Variants in GTPBP1 observed in about 807,000 individuals in gnomAD.
GTPBP1 encodes the protein GTP-binding protein 1.
In GTPBP1, 23 loss-of-function variants were observed where a neutral mutation model predicts 62.0. The observed-to-expected ratio is 0.37, with a 90% confidence interval of 0.27 to 0.53. The LOEUF is 0.53. Among genes scored for constraint, GTPBP1 ranks in the 20% least tolerant of loss-of-function variants. GTPBP1 has a pLI of 0.89. For synonymous variants in GTPBP1, 344 were observed against 364.4 expected, an observed-to-expected ratio of 0.94 and a Z score of 0.64; for missense variants, 640 against 917.3, an observed-to-expected ratio of 0.70 and a Z score of 3.90.
chr22:38,714,866 G>C (rs2092660922), intron 2 of GTPBP1, among the ~76,000 whole-genome samples: 1 of 152,130 alleles, frequency 6.6e-6, no homozygotes, highest in African/African-American at 2.4e-5. Context: ...ATTAAATCCA[G>C]CACCTCATGG....
chr22:38,736,383 G>T, downstream of GTPBP1: 1 of 1,609,858 alleles, frequency 6.2e-7, no homozygotes. Context: ...GTAGGGGCCT[G>T]GGTAGAGAAG....
At chr22:38,739,774 GC>G, downstream of GTPBP1, 1 of 1,613,668 alleles carries the variant, frequency 6.2e-7, no homozygotes, top group East Asian at 2.2e-5. The surrounding 1 kb of genome is among the most constrained non-coding windows in gnomAD (Gnocchi z 6.7). Context: ...GCTCAGGGAG[GC>G]CGCGGCTTCC....
At position 38,729,518 on chromosome 22, in the gene GTPBP1, G is replaced by T. The variant is rs1176454387; in HGVS notation, c.1773G>T (p.Met591Ile). The T allele has an allele frequency of 6.2e-7, 1 of 1,609,886 alleles. No homozygotes were observed. The highest frequency in any genetic ancestry group is 8.5e-7 in the Non-Finnish European group (1 of 1,178,328). ...ACTCCAAGCCGCAGCAGATTAAAAT[G>T]CAGTCGACGAAAAAGGGCCCCCTGA... is the stretch of plus-strand genomic sequence containing the variant. The part of the protein sequence containing the change: ...PMNSKPQQIK[M>I]QSTKKGPLTK... Residue 591 changes from methionine (M) to isoleucine (I), a missense_variant, in exon 11 of 12, where the codon ATG becomes ATT. This residue lies in a region of GTPBP1 where 117 missense variants were observed against 107.1 expected (regional missense o/e 1.09). Coordinates refer to ENST00000216044, the MANE Select transcript of GTPBP1 (RefSeq NM_004286.5).
chr22:38,720,283 A>C (rs2092692964), intron 4 of GTPBP1, among the ~76,000 whole-genome samples: 1 of 149,164 alleles, frequency 6.7e-6, no homozygotes, highest in Admixed American at 6.6e-5. Context: ...GCAATGGCGC[A>C]ATCTTGGCTC....
At position 38,728,111 on chromosome 22, in the gene GTPBP1, C is replaced by T. The variant is rs2092736466; in HGVS notation, c.1666C>T (p.Arg556Trp). 9 of 1,613,628 alleles carry T rather than the reference C, an allele frequency of 5.6e-6. No individual in the cohort carries two copies. Among genetic ancestry groups the T allele is most frequent in the Non-Finnish European group, 7.6e-6 (9 of 1,179,526 alleles). Residue 556 changes from arginine (R) to tryptophan (W), a missense_variant, in exon 10 of 12, where the codon CGG becomes TGG. Physicochemically the swap from Arg to Trp is moderately radical, Grantham distance 101. Transcript: ENST00000216044. ...CCCTGAGTACCTGCACATAGACCAG[C>T]GGCTGGTGTTCCGGGAAGGCCGCAC... ...KTPEYLHIDQ[R>W]LVFREGRTKA...
At position 38,727,200 on chromosome 22, in the gene GTPBP1, C is replaced by G; in HGVS notation, c.1402-13C>G. On this transcript the variant is annotated splice_polypyrimidine_tract_variant and intron_variant, in intron 8 of 11. Transcript: ENST00000216044. The surrounding 1 kb of genome is among the most constrained non-coding windows in gnomAD (Gnocchi z 6.5). Reference sequence around the variant, plus strand: ...AATTGTCCCTGAGGGCTGGGGCTCCCTCTTTCTTTCAGATCAAGCGCTCGT... The same window carrying G: ...AATTGTCCCTGAGGGCTGGGGCTCCGTCTTTCTTTCAGATCAAGCGCTCGT... 6.4e-7 allele frequency: 1 copy of G among 1,552,264 alleles called. No individual in the cohort carries two copies. The highest frequency in any genetic ancestry group is 1.2e-5 in the South Asian group (1 of 83,992).
downstream of GTPBP1, chr22:38,736,380 C>T (rs559096453): frequency 2.5e-6 from 4 of 1,611,438 alleles, no homozygotes; most frequent in Admixed American, 5.0e-5. Flanking sequence ...ATCGTAGGGG[C>T]CTGGGTAGAG....
chr22:38,721,143 G>A (rs1311996134), intron 4 of GTPBP1, among the ~76,000 whole-genome samples: 2 of 152,144 alleles, frequency 1.3e-5, no homozygotes, highest in Non-Finnish European at 2.9e-5. Flanking sequence ...GCAATGGCAC[G>A]ATCTCGGCTC....
Position 38,724,282 on chromosome 22 carries a change from A to G in GTPBP1, c.959-15A>G. The G allele has an allele frequency of 6.6e-7, 1 of 1,526,422 alleles. No individual in the cohort carries two copies. The highest frequency in any genetic ancestry group is 9.1e-7 in the Non-Finnish European group (1 of 1,100,044). The allele number at this position is 1,526,422 out of a possible 1,614,324, so 94.6% of individuals were successfully genotyped here. A position where few individuals can be genotyped will look rare whatever the true frequency, so the allele number is the denominator to read the frequency against. On this transcript the variant is annotated splice_polypyrimidine_tract_variant and intron_variant, in intron 5 of 11. Transcript: ENST00000216044. ...GGCTGTGTCCCCCTAATTCTGTTCC[A>G]TTGCACCCTTTAAGAAACCCTGAAG...
chr22:38,730,731 C>G lies in GTPBP1; in HGVS notation c.*27C>G. The G allele has an allele frequency of 7.7e-6, 10 of 1,299,996 alleles. No individual in the cohort carries two copies. Among genetic ancestry groups the G allele is most frequent in the Non-Finnish European group, 1.1e-5 (10 of 929,660 alleles). 80.5% of individuals were successfully genotyped at this position (1,299,996 alleles called of 1,614,324 possible). The stretch of plus-strand genomic sequence containing the variant: ...CCTTCCCCTGGCCCACCCTCACCAC[C>G]CAAGGGGTCATCATCTCTGGCCACC... On this transcript the variant is annotated 3_prime_UTR_variant, in exon 12 of 12. Transcript: ENST00000216044. This position sits in a 1 kb window ranked among gnomAD's most constrained non-coding sequence, Gnocchi z 5.6.
intron 5 of GTPBP1, 39 bp from the exon 6 acceptor site, chr22:38,724,258 G>A (rs777559034): frequency 8.3e-7 from 1 of 1,203,150 alleles, no homozygotes; most frequent in South Asian, 1.2e-5. Flanking sequence ...CAAAGAGAAG[G>A]CTGTGTCCCC....
intron 4 of GTPBP1, among the ~76,000 whole-genome samples, chr22:38,720,419 G>C (rs2145864492): frequency 6.6e-6 from 1 of 151,356 alleles, no homozygotes; most frequent in Non-Finnish European, 1.5e-5. Context: ...AGTAGAGAAG[G>C]GGTTTTCACC....
downstream of GTPBP1, chr22:38,741,571 C>T (rs1488333628): frequency 8.7e-6 from 14 of 1,614,002 alleles, no homozygotes; most frequent in Non-Finnish European, 1.0e-5. Context: ...GACAGTTCTT[C>T]CTGTGAGACG....
chr22:38,709,534 G>A (rs188745115), intron 2 of GTPBP1, among the ~76,000 whole-genome samples: 44 of 152,300 alleles, frequency 2.9e-4, no homozygotes, highest in Admixed American at 2.5e-3. Context: ...GAAGCACAAA[G>A]CAAAGGAACT....
rs1436103321 is a variant in GTPBP1 at position 38,715,902 on chromosome 22, A to G, written c.305-5A>G. Reference sequence around the variant, plus strand: ...TCCTGCTGATGTCTGGGCTCTTGTCACCAGATGGGACTGAGTATGGGCTGA... The same window carrying G: ...TCCTGCTGATGTCTGGGCTCTTGTCGCCAGATGGGACTGAGTATGGGCTGA... On this transcript the variant is annotated splice_region_variant and splice_polypyrimidine_tract_variant and intron_variant, in intron 2 of 11. Coordinates refer to ENST00000216044, the MANE Select transcript of GTPBP1 (RefSeq NM_004286.5). The G allele has an allele frequency of 1.0e-5, 16 of 1,599,328 alleles. No individual in the cohort carries two copies. Among genetic ancestry groups the G allele is most frequent in the Admixed American group, 1.8e-5 (1 of 56,938 alleles).
chr22:38,739,819 G>T, downstream of GTPBP1: 1 of 1,613,624 alleles, frequency 6.2e-7, no homozygotes, highest in African/African-American at 1.3e-5. This position sits in a 1 kb window ranked among gnomAD's most constrained non-coding sequence, Gnocchi z 6.7. Flanking sequence ...TGCCACATGG[G>T]TGAGGATCTT....
At chr22:38,739,566 C>G, downstream of GTPBP1, 1 of 1,291,994 alleles carries the variant, frequency 7.7e-7, no homozygotes, top group Non-Finnish European at 1.1e-6. The surrounding 1 kb of genome is among the most constrained non-coding windows in gnomAD (Gnocchi z 6.7). Flanking sequence ...TGTGGGCACA[C>G]TGCCACCCAC....
downstream of GTPBP1, chr22:38,736,275 C>A: frequency 6.2e-7 from 1 of 1,612,168 alleles, no homozygotes. Flanking sequence ...GGCTAGTGGG[C>A]GGGCTCCCCA....
At chr22:38,739,824 G>T, downstream of GTPBP1, 2 of 1,613,628 alleles carry the variant, frequency 1.2e-6, no homozygotes, top group Non-Finnish European at 8.5e-7. This position sits in a 1 kb window ranked among gnomAD's most constrained non-coding sequence, Gnocchi z 6.7. Flanking sequence ...CATGGGTGAG[G>T]ATCTTGCTCT....
Sources: allele counts gnomAD v4.1 joint callset (sites outside exome capture counted in the v4.1 genomes callset), GRCh38; gene constraint gnomAD v4.1.1; regional missense constraint gnomAD v4.1.1; non-coding constraint Gnocchi (gnomAD v3.1); transcripts MANE v1.5; gene names NCBI Gene and HGNC (gene_info 2026-07-23, HGNC 2026-07-21).